TRIM44: variants seen among roughly 807,000 people sequenced by gnomAD.
TRIM44 encodes tripartite motif-containing protein 44.
In TRIM44, 13 loss-of-function variants were observed where a neutral mutation model predicts 37.4. That is an observed-to-expected ratio of 0.35 (90% CI 0.23 to 0.55). The LOEUF (loss-of-function observed/expected upper bound fraction) is 0.55, where lower values mean the gene tolerates loss of function less well. Among genes scored for constraint, TRIM44 ranks in the 20% least tolerant of loss-of-function variants. The pLI, the probability that TRIM44 is intolerant of heterozygous loss-of-function variation, is 0.89. For missense variants in TRIM44, 426 were observed against 437.2 expected (o/e 0.97, Z 0.23); for synonymous variants, 175 against 157.2 (o/e 1.11, Z -0.85).
At chr11:35,761,685 C>T (rs1241838812) in intron 4 of TRIM44, among the ~76,000 whole-genome samples, 1 of 152,220 alleles carries the variant, frequency 6.6e-6, no homozygotes, top group Non-Finnish European at 1.5e-5. Context: ...TGTCCAAGGT[C>T]ACATAGCTAG....
chr11:35,663,258 G>T lies in TRIM44; in HGVS notation c.147G>T (p.Arg49Ser), dbSNP rs1367986495. The change falls in exon 1 of 5, where the codon AGG (arginine) becomes AGT (serine). Residue 49 changes from arginine to serine, a missense_variant. This residue lies in a region of TRIM44 where 331 missense variants were observed against 303.0 expected (regional missense o/e 1.09). Coordinates refer to ENST00000299413, the MANE Select transcript of TRIM44 (RefSeq NM_017583.6). ...GCCGCCGCCATGCCGAGGCGCACAG[G>T]CAGAAGTTCCTCAGTCACCATCTGG... is the stretch of plus-strand genomic sequence containing the variant. ...CYCRRHAEAH[R>S]QKFLSHHLAE... The T allele has an allele frequency of 6.2e-7, 1 of 1,612,076 alleles. No homozygotes were observed. Among genetic ancestry groups the T allele is most frequent in the East Asian group, 2.2e-5 (1 of 44,802 alleles).
In TRIM44 at chr11:35,726,049, T is replaced by C. The variant is rs564608491; in HGVS notation, c.873T>C (p.His291=). 1.4e-5 allele frequency: 23 copies of C among 1,614,134 alleles called. No individual in the cohort carries two copies. The East Asian group carries it at 4.0e-4, about 28-fold the overall frequency. ...TCCAAGAGGCAATGGCCACAGCTCA[T>C]GTGACTGAGATACTGGCAGACATCC... is the stretch of plus-strand genomic sequence containing the variant. ...VDIQEAMATA[H]VTEILADIQS... Residue 291 remains histidine, a synonymous_variant, in exon 3 of 5, where the codon CAT becomes CAC. Transcript: ENST00000299413.
At position 35,670,212 on chromosome 11, in the gene TRIM44, T is replaced by G. The variant is rs1172162996; in HGVS notation, c.669+6432T>G. 2.6e-5 allele frequency among the ~76,000 whole-genome samples: 4 copies of G among 152,244 alleles called. No individual in the cohort carries two copies. In the East Asian group the frequency reaches 7.7e-4, roughly 29 times the overall value. ...CACACCTCACTTTCTACTAACCAAA[T>G]GCACAGCCTAGTTTCTTGGGCTCAG... On this transcript the variant is annotated intron_variant, in intron 1 of 4. Transcript: ENST00000299413.
intron 4 of TRIM44, among the ~76,000 whole-genome samples, chr11:35,782,844 C>A (rs2938187): frequency 0.84 from 127,964 of 152,176 alleles, 54,052 homozygotes; most frequent in Middle Eastern, 0.86. Context: ...GTTGGGAATG[C>A]CTAAGTCAGC....
rs1853519759 is a variant in TRIM44 at position 35,810,831 on chromosome 11, T to G, written c.*4446T>G. 6.6e-6 allele frequency: 1 copy of G among 152,222 alleles called. No individual in the cohort carries two copies. 9.4% of individuals were successfully genotyped at this position (152,222 alleles called of 1,614,324 possible). Reference sequence around the variant, plus strand: ...CCATTGTCCTCTGCCTATTTTCCTGTGCACAGTCACATTCCCTCCTTAGGA... The same window carrying G: ...CCATTGTCCTCTGCCTATTTTCCTGGGCACAGTCACATTCCCTCCTTAGGA... On this transcript the variant is annotated 3_prime_UTR_variant, in exon 5 of 5. Coordinates refer to ENST00000299413, the MANE Select transcript of TRIM44 (RefSeq NM_017583.6).
rs148130129 is a variant in TRIM44 at position 35,664,623 on chromosome 11, G to T, written c.669+843G>T. On this transcript the variant is annotated intron_variant, in intron 1 of 4. Transcript: ENST00000299413. ...CTTTTGCTTCCCTGAATAGGGAATA[G>T]CTGGCATTGGGATAACAAATACCTT... 1.9e-3 allele frequency among the ~76,000 whole-genome samples: 282 copies of T among 152,308 alleles called. 2 individuals are homozygous for T. Among genetic ancestry groups the T allele is most frequent in the African/African-American group, 6.5e-3 (271 of 41,560 alleles).
chr11:35,678,422 A>G (rs1451911070), intron 1 of TRIM44, among the ~76,000 whole-genome samples: 1 of 152,178 alleles, frequency 6.6e-6, no homozygotes, highest in Non-Finnish European at 1.5e-5. Flanking sequence ...CTGACAACTA[A>G]AAGTGATGGC....
chr11:35,671,927 A>G (rs935664628), intron 1 of TRIM44, among the ~76,000 whole-genome samples: 6 of 152,146 alleles, frequency 3.9e-5, no homozygotes, highest in Non-Finnish European at 7.4e-5. Context: ...ATGACTTCTT[A>G]CCTGAGTCAT....
At chr11:35,775,464 T>C (rs1019628507) in intron 4 of TRIM44, among the ~76,000 whole-genome samples, 23 of 152,332 alleles carry the variant, frequency 1.5e-4, no homozygotes, top group African/African-American at 5.5e-4. Context: ...TCTTTATTTC[T>C]TTCTCCTGCC....
intron 4 of TRIM44, among the ~76,000 whole-genome samples, chr11:35,783,452 T>C (rs1853090794): frequency 6.6e-6 from 1 of 152,222 alleles, no homozygotes; most frequent in Admixed American, 6.5e-5. Flanking sequence ...GGACATAGAA[T>C]CCAGCAACAC....
chr11:35,715,429 T>TGG (rs1402640984), intron 2 of TRIM44, among the ~76,000 whole-genome samples: 1 of 148,956 alleles, frequency 6.7e-6, no homozygotes, highest in Non-Finnish European at 1.5e-5. Flanking sequence ...TGTGTGTGTG[T>TGG]GGGTGTGGGT....
intron 1 of TRIM44, among the ~76,000 whole-genome samples, chr11:35,679,554 C>T (rs547461588): frequency 1.3e-5 from 2 of 152,214 alleles, no homozygotes; most frequent in South Asian, 4.1e-4. Context: ...AGAAGCAAGC[C>T]AAGGTAACTG....
chr11:35,685,670 C>G (rs1851566776), intron 2 of TRIM44, among the ~76,000 whole-genome samples: 1 of 147,412 alleles, frequency 6.8e-6, no homozygotes, highest in South Asian at 2.1e-4. Flanking sequence ...TACAGATCAT[C>G]TTTTTTTTTT....
At chr11:35,674,493 G>A (rs1357882617) in intron 1 of TRIM44, among the ~76,000 whole-genome samples, 1 of 152,106 alleles carries the variant, frequency 6.6e-6, no homozygotes, top group Non-Finnish European at 1.5e-5. Context: ...ACTATAATGT[G>A]CTAGATTATT....
intron 4 of TRIM44, among the ~76,000 whole-genome samples, chr11:35,788,446 G>A (rs1433407416): frequency 6.6e-6 from 1 of 152,106 alleles, no homozygotes; most frequent in African/African-American, 2.4e-5. Flanking sequence ...TGGAACAAAA[G>A]AAAGAAAATA....
intron 4 of TRIM44, among the ~76,000 whole-genome samples, chr11:35,773,631 C>A (rs1020936275): frequency 5.3e-5 from 8 of 152,124 alleles, no homozygotes; most frequent in African/African-American, 1.9e-4. Flanking sequence ...CTCCCCCTAC[C>A]CCACAACAGG....
At chr11:35,686,374 G>A (rs75432839) in intron 2 of TRIM44, among the ~76,000 whole-genome samples, 8 of 133,388 alleles carry the variant, frequency 6.0e-5, no homozygotes, top group African/African-American at 2.2e-4. Flanking sequence ...TTTTGTTTTT[G>A]TTTTTTTTTT....
At chr11:35,802,197 AC>A (rs1853380174) in intron 4 of TRIM44, among the ~76,000 whole-genome samples, 3 of 152,180 alleles carry the variant, frequency 2.0e-5, no homozygotes, top group Non-Finnish European at 4.4e-5. Context: ...ATTAGCACAC[AC>A]CTCATGATAA....
chr11:35,686,957 G>A (rs183139295), intron 2 of TRIM44, among the ~76,000 whole-genome samples: 2 of 152,202 alleles, frequency 1.3e-5, no homozygotes, highest in Non-Finnish European at 2.9e-5. Context: ...TCTCATTCCT[G>A]CTCTCCCCTT....
Sources: allele counts gnomAD v4.1 joint callset (sites outside exome capture counted in the v4.1 genomes callset), GRCh38; gene constraint gnomAD v4.1.1; regional missense constraint gnomAD v4.1.1; transcripts MANE v1.5; gene names NCBI Gene and HGNC (gene_info 2026-07-23, HGNC 2026-07-21).